Variants in MAML2 observed in about 807,000 individuals in gnomAD.
MAML2 encodes mastermind-like protein 2.
MAML2 carries 22 observed loss-of-function variants against 96.1 expected under a neutral mutation model. The ratio of observed to expected loss-of-function variants is 0.23; its 90% CI spans 0.16 to 0.33. The LOEUF (loss-of-function observed/expected upper bound fraction) is 0.33. Among genes scored for constraint, MAML2 ranks in the 10% least tolerant of loss-of-function variants. The pLI is 1.00. For synonymous variants in MAML2, 561 were observed against 521.3 expected, an observed-to-expected ratio of 1.08 and a Z score of -1.04; for missense variants, 1,367 against 1,392.4, an observed-to-expected ratio of 0.98 and a Z score of 0.29.
chr11:96,172,624 AAAACACAAT>A (rs1360206586), intron 1 of MAML2, among the ~76,000 whole-genome samples: 21 of 152,242 alleles, frequency 1.4e-4, no homozygotes, highest in Non-Finnish European at 2.6e-4. Flanking sequence ...CAATGACATG[AAAACACAAT>A]ATGAGTAGTG....
At chr11:96,188,376 T>C (rs1861604029) in intron 1 of MAML2, among the ~76,000 whole-genome samples, 1 of 152,202 alleles carries the variant, frequency 6.6e-6, no homozygotes, top group Non-Finnish European at 1.5e-5. Context: ...CTTCCCTGAA[T>C]AACCTAGATA....
chr11:96,020,470 C>A (rs1203734587), intron 2 of MAML2, among the ~76,000 whole-genome samples: 1 of 152,178 alleles, frequency 6.6e-6, no homozygotes, highest in Admixed American at 6.5e-5. Flanking sequence ...ACTTTGCAAA[C>A]TTTAATGTGC....
intron 2 of MAML2, among the ~76,000 whole-genome samples, chr11:96,062,367 TA>T (rs1350572312): frequency 1.3e-5 from 2 of 152,292 alleles, no homozygotes; most frequent in African/African-American, 4.8e-5. Flanking sequence ...GAAGTGCAGG[TA>T]AAAAGTTCAC....
chr11:96,065,782 G>A (rs190260699), intron 2 of MAML2, among the ~76,000 whole-genome samples: 1 of 152,286 alleles, frequency 6.6e-6, no homozygotes, highest in Admixed American at 6.5e-5. Flanking sequence ...ACAAAGCCAG[G>A]ATTTGAACCA....
intron 1 of MAML2, among the ~76,000 whole-genome samples, chr11:96,276,751 T>C (rs1351384410): frequency 6.9e-6 from 1 of 145,480 alleles, no homozygotes; most frequent in Non-Finnish European, 1.5e-5. Context: ...AGGAAAAAAA[T>C]GTGGTTAGCT....
At chr11:96,188,450 T>C (rs1424455773) in intron 1 of MAML2, among the ~76,000 whole-genome samples, 1 of 152,122 alleles carries the variant, frequency 6.6e-6, no homozygotes, top group Non-Finnish European at 1.5e-5. Context: ...GACTCATAAT[T>C]AAGAACTTCT....
At chr11:96,164,082 G>A (rs1021198264) in intron 1 of MAML2, among the ~76,000 whole-genome samples, 6 of 151,666 alleles carry the variant, frequency 4.0e-5, no homozygotes, top group Non-Finnish European at 5.9e-5. Flanking sequence ...CACCATGTTG[G>A]CCAAGCTGGT....
chr11:96,002,585 CAG>C (rs1858098519), intron 2 of MAML2, among the ~76,000 whole-genome samples: 4 of 133,484 alleles, frequency 3.0e-5, no homozygotes, highest in Admixed American at 3.0e-4. Flanking sequence ...AAGATGATGA[CAG>C]GGATGATGAG....
intron 1 of MAML2, among the ~76,000 whole-genome samples, chr11:96,149,054 T>C (rs1182145087): frequency 6.6e-6 from 1 of 152,126 alleles, no homozygotes; most frequent in African/African-American, 2.4e-5. Flanking sequence ...GTGACGAACA[T>C]TGCCTTCCAC....
At chr11:96,195,772 A>G (rs576947604) in intron 1 of MAML2, among the ~76,000 whole-genome samples, 1 of 152,362 alleles carries the variant, frequency 6.6e-6, no homozygotes, top group African/African-American at 2.4e-5. Flanking sequence ...GTTTACTTGC[A>G]AATGGGCTAT....
chr11:96,261,060 G>T (rs185134300), intron 1 of MAML2, among the ~76,000 whole-genome samples: 1 of 152,020 alleles, frequency 6.6e-6, no homozygotes, highest in African/African-American at 2.4e-5. Context: ...CCTCCAAAAC[G>T]CATGTTGGAA....
chr11:96,237,897 A>C (rs1458618931), intron 1 of MAML2, among the ~76,000 whole-genome samples: 4 of 152,266 alleles, frequency 2.6e-5, no homozygotes, highest in African/African-American at 7.2e-5. Context: ...TGACAACTCA[A>C]GCATCTGTTT....
chr11:96,201,710 G>C (rs192848947), intron 1 of MAML2, among the ~76,000 whole-genome samples: 2 of 152,044 alleles, frequency 1.3e-5, no homozygotes, highest in African/African-American at 4.8e-5. Flanking sequence ...ACGAGGTCAG[G>C]AGATCGAGAC....
chr11:96,222,427 G>T (rs1248826190), intron 1 of MAML2, among the ~76,000 whole-genome samples: 1 of 152,146 alleles, frequency 6.6e-6, no homozygotes, highest in Non-Finnish European at 1.5e-5. Context: ...GCCCAAGGTG[G>T]CTTCTTTTGA....
intron 1 of MAML2, among the ~76,000 whole-genome samples, chr11:96,263,293 AAG>A (rs1199360067): frequency 4.6e-5 from 7 of 152,260 alleles, no homozygotes; most frequent in African/African-American, 1.7e-4. Context: ...TGAGATCTGT[AAG>A]AGAGACCAGC....
intron 2 of MAML2, among the ~76,000 whole-genome samples, chr11:96,088,909 T>C (rs1187929469): frequency 6.6e-6 from 1 of 152,034 alleles, no homozygotes. Flanking sequence ...ACCTTGCATA[T>C]CTATGAGGTG....
chr11:96,144,109 G>A (rs1379517129), intron 1 of MAML2, among the ~76,000 whole-genome samples: 1 of 152,190 alleles, frequency 6.6e-6, no homozygotes, highest in African/African-American at 2.4e-5. Flanking sequence ...ATAAAGAAAT[G>A]AGCTTGGGCT....
In MAML2 at chr11:96,286,082, C is replaced by T. The variant is rs190343486; in HGVS notation, c.513+55301G>A. 3.2e-4 allele frequency among the ~76,000 whole-genome samples: 48 copies of T among 152,300 alleles called. No individual in the cohort carries two copies. In the East Asian group the frequency reaches 8.3e-3, roughly 26 times the overall value. On this transcript the variant is annotated intron_variant, in intron 1 of 4. Transcript: ENST00000524717. ...AAGACATGGAATTAACCCAAATGCC[C>T]ATCAATGGTAGACTGGATAAAGAAA... is the stretch of plus-strand genomic sequence containing the variant.
At chr11:96,071,775 C>T (rs573183615) in intron 2 of MAML2, among the ~76,000 whole-genome samples, 29 of 152,300 alleles carry the variant, frequency 1.9e-4, no homozygotes, top group African/African-American at 6.7e-4. Flanking sequence ...CTCCAAAGGC[C>T]TTCTTTTCTT....
Sources: gnomAD v4.1 joint callset for allele counts (sites outside exome capture counted in the v4.1 genomes callset) on GRCh38, gnomAD v4.1.1 for gene constraint, MANE v1.5 for transcripts, NCBI Gene and HGNC (gene_info 2026-07-23, HGNC 2026-07-21) for gene names.